The following TRIO variants were observed in gnomAD, a reference collection of about 807,000 sequenced individuals.
TRIO encodes the protein trio Rho guanine nucleotide exchange factor, also known as triple functional domain protein.
A neutral mutation model predicts 351.9 loss-of-function variants in TRIO; 58 were observed. That is an observed-to-expected ratio of 0.16 (90% CI 0.13 to 0.21). The LOEUF (loss-of-function observed/expected upper bound fraction) is 0.21, where lower values mean the gene tolerates loss of function less well. Among genes scored for constraint, TRIO ranks in the 10% least tolerant of loss-of-function variants. TRIO has a pLI of 1.00. For synonymous variants in TRIO, 1,758 were observed against 1,595.7 expected, an observed-to-expected ratio of 1.10 and a Z score of -2.42; for missense variants, 3,201 against 4,027.8, an observed-to-expected ratio of 0.79 and a Z score of 5.56.
chr5:14,387,912 G>A, intron 23 of TRIO, 65 bp downstream of exon 23: 6 of 1,535,448 alleles, frequency 3.9e-6, no homozygotes, highest in Non-Finnish European at 5.4e-6. Context: ...CATTTGGACA[G>A]ACATGCTTCT....
chr5:14,291,790 A>AAAAAAAAAC (rs1736936135), intron 5 of TRIO, among the ~76,000 whole-genome samples: 2 of 36,638 alleles, frequency 5.5e-5, no homozygotes, highest in African/African-American at 1.3e-4. Context: ...CTCCGTCTTA[A>AAAAAAAAAC]AAAAAAAAAA....
intron 9 of TRIO, among the ~76,000 whole-genome samples, chr5:14,328,022 AT>A (rs1740545892): frequency 6.6e-6 from 1 of 152,262 alleles, no homozygotes. Context: ...AGAAAGAAAA[AT>A]AATGTACTAA....
intron 34 of TRIO, among the ~76,000 whole-genome samples, chr5:14,424,242 G>A (rs986289592): frequency 1.3e-5 from 2 of 152,046 alleles, no homozygotes; most frequent in Non-Finnish European, 2.9e-5. Flanking sequence ...TATGAGCAAA[G>A]GCCGATTCAA....
At chr5:14,210,423 C>A (rs1791811002) in intron 1 of TRIO, among the ~76,000 whole-genome samples, 1 of 152,230 alleles carries the variant, frequency 6.6e-6, no homozygotes, top group South Asian at 2.1e-4. Context: ...TTGCAGCCAG[C>A]CATTTTGTGG....
At chr5:14,203,947 G>A (rs551017458) in intron 1 of TRIO, among the ~76,000 whole-genome samples, 1 of 152,244 alleles carries the variant, frequency 6.6e-6, no homozygotes, top group Admixed American at 6.5e-5. Flanking sequence ...TTCTCTTATC[G>A]TTACGTTGCA....
intron 1 of TRIO, among the ~76,000 whole-genome samples, chr5:14,240,619 G>T (rs1214406084): frequency 6.6e-6 from 1 of 152,198 alleles, no homozygotes; most frequent in African/African-American, 2.4e-5. Flanking sequence ...TCAGCTGCAG[G>T]GAGTGGGTAT....
intron 1 of TRIO, among the ~76,000 whole-genome samples, chr5:14,174,146 C>T (rs1789269533): frequency 6.6e-6 from 1 of 152,198 alleles, no homozygotes; most frequent in African/African-American, 2.4e-5. Context: ...GCCTTCCACC[C>T]GTGTGGCTGT....
intron 37 of TRIO, among the ~76,000 whole-genome samples, chr5:14,466,723 C>T (rs917495566): frequency 6.6e-6 from 1 of 152,210 alleles, no homozygotes; most frequent in Non-Finnish European, 1.5e-5. Flanking sequence ...GATACGTTTC[C>T]CTCCAGACGT....
At chr5:14,200,565 G>T (rs1217631260) in intron 1 of TRIO, among the ~76,000 whole-genome samples, 1 of 152,156 alleles carries the variant, frequency 6.6e-6, no homozygotes, top group Admixed American at 6.5e-5. Context: ...TAAATGGATC[G>T]GGTTTAGCAT....
chr5:14,386,469 C>T (rs1289050984), intron 21 of TRIO, among the ~76,000 whole-genome samples: 6 of 152,158 alleles, frequency 3.9e-5, no homozygotes, highest in East Asian at 1.9e-4. Flanking sequence ...TTTTGAACTC[C>T]GACCTTCTTT....
intron 41 of TRIO, 68 bp from the exon 42 acceptor site, chr5:14,479,193 G>A (rs370432137): frequency 7.7e-5 from 99 of 1,292,718 alleles, no homozygotes; most frequent in Middle Eastern, 1.8e-4. Flanking sequence ...TGAAATGTGC[G>A]GGTACTCGTG....
At chr5:14,399,122 T>C in intron 30 of TRIO, 52 bp downstream of exon 30, 1 of 1,505,110 alleles carries the variant, frequency 6.6e-7, no homozygotes, top group South Asian at 1.1e-5. Context: ...AATTGCAGTC[T>C]TTTTGTAGGT....
At position 14,324,702 on chromosome 5, in the gene TRIO, A is replaced by G. The variant is rs116395205; in HGVS notation, c.1732-6076A>G. On this transcript the variant is annotated intron_variant, in intron 9 of 56. Transcript: ENST00000344204. Reference sequence around the variant, plus strand: ...TCCGAGCCTCAATTTCTTGCTTAATAGAAATAATGATTAAAGTCTGCTCTC... The same window carrying G: ...TCCGAGCCTCAATTTCTTGCTTAATGGAAATAATGATTAAAGTCTGCTCTC... Among the ~76,000 whole-genome samples, 1,444 of 152,336 alleles carry G rather than the reference A, an allele frequency of 9.5e-3. 21 individuals carry two copies. The highest frequency in any genetic ancestry group is 0.033 in the African/African-American group (1,373 of 41,576).
intron 33 of TRIO, among the ~76,000 whole-genome samples, chr5:14,410,463 C>T (rs1223322746): frequency 1.3e-5 from 2 of 152,200 alleles, no homozygotes; most frequent in African/African-American, 2.4e-5. Flanking sequence ...CCAGCAACCC[C>T]ATCTCCGGTG....
chr5:14,420,419 A>G (rs1750022259), intron 34 of TRIO: 1 of 179,318 alleles, frequency 5.6e-6, no homozygotes, highest in Non-Finnish European at 1.2e-5. Context: ...AAGCTGCAAG[A>G]GAAAACAGCT....
intron 1 of TRIO, among the ~76,000 whole-genome samples, chr5:14,182,400 A>G (rs927120618): frequency 6.6e-5 from 10 of 152,216 alleles, no homozygotes; most frequent in African/African-American, 2.4e-4. Context: ...ACAAATTTAT[A>G]TCTGATAGAA....
At chr5:14,466,315 G>T (rs1156499006) in intron 37 of TRIO, 1 of 152,208 alleles carries the variant, frequency 6.6e-6, no homozygotes, top group Admixed American at 6.5e-5. Context: ...TAGACTCTCC[G>T]TTTTGTTTTG....
intron 46 of TRIO, among the ~76,000 whole-genome samples, chr5:14,484,154 C>G (rs1355774772): frequency 6.6e-6 from 1 of 152,184 alleles, no homozygotes; most frequent in Non-Finnish European, 1.5e-5. Flanking sequence ...ATTCTTCTCA[C>G]AAGTCTTTTG....
At chr5:14,489,076 G>T in intron 48 of TRIO, 1 of 765,120 alleles carries the variant, frequency 1.3e-6, no homozygotes, top group Non-Finnish European at 2.4e-6. Context: ...ATGCGTGAGT[G>T]AATAGAACTG....
Sources: gnomAD v4.1 joint callset for allele counts (sites outside exome capture counted in the v4.1 genomes callset) on GRCh38, gnomAD v4.1.1 for gene constraint, MANE v1.5 for transcripts, NCBI Gene and HGNC (gene_info 2026-07-23, HGNC 2026-07-21) for gene names.